Variants in BCKDHB observed in about 807,000 individuals in gnomAD.
BCKDHB encodes the protein 2-oxoisovalerate dehydrogenase subunit beta, mitochondrial.
A neutral mutation model predicts 48.5 loss-of-function variants in BCKDHB; 41 were observed. That is an observed-to-expected ratio of 0.85 (90% CI 0.66 to 1.10). The LOEUF (loss-of-function observed/expected upper bound fraction) is 1.10, where lower values mean the gene tolerates loss of function less well. BCKDHB is among the 50% of genes least tolerant of loss of function. The pLI is 0.00. For synonymous variants in BCKDHB, 201 were observed against 174.8 expected (o/e 1.15, Z -1.18); for missense variants, 496 against 494.2 (o/e 1.00, Z -0.03).
At chr6:80,320,175 T>C (rs1021072733) in intron 9 of BCKDHB, among the ~76,000 whole-genome samples, 6 of 152,202 alleles carry the variant, frequency 3.9e-5, no homozygotes, top group African/African-American at 1.4e-4. Context: ...TATCATATTG[T>C]GAATAGTAGC....
At chr6:80,178,169 T>G (rs1562112463) in intron 6 of BCKDHB, among the ~76,000 whole-genome samples, 1 of 152,224 alleles carries the variant, frequency 6.6e-6, no homozygotes, top group Non-Finnish European at 1.5e-5. Flanking sequence ...TGGTATTTTC[T>G]ACGTGGAGTC....
chr6:80,243,823 A>C (rs1682749471), intron 8 of BCKDHB, among the ~76,000 whole-genome samples: 1 of 152,348 alleles, frequency 6.6e-6, no homozygotes, highest in Admixed American at 6.5e-5. Flanking sequence ...GATATGAGCC[A>C]CTGTGCCTGG....
chr6:80,201,035 A>T lies in BCKDHB; in HGVS notation c.840+4A>T. ...TCTAGTTGCCTGGGGCACTCAGGTG[A>T]GTAGCATTGATCCCAACTGTTAAAA... On this transcript the variant is annotated splice_donor_region_variant and intron_variant, in intron 7 of 9. Transcript: ENST00000320393. The T allele has an allele frequency of 6.3e-7, 1 of 1,593,042 alleles. No individual in the cohort carries two copies. The highest frequency in any genetic ancestry group is 8.6e-7 in the Non-Finnish European group (1 of 1,161,056).
At chr6:80,337,380 A>G (rs182991570) in intron 9 of BCKDHB, among the ~76,000 whole-genome samples, 1 of 152,232 alleles carries the variant, frequency 6.6e-6, no homozygotes, top group Admixed American at 6.5e-5. Context: ...TAACTCTTAT[A>G]CTACTAATTA....
At chr6:80,352,418 GAGTCAGTCA>G in the BCKDHB span, among the ~76,000 whole-genome samples, 1 of 152,174 alleles carries the variant, frequency 6.6e-6, no homozygotes, top group Non-Finnish European at 1.5e-5. Flanking sequence ...TGCCTCTAGA[GAGTCAGTCA>G]ATCAACCCCC....
chr6:80,404,313 A>G, the BCKDHB span, among the ~76,000 whole-genome samples: 2 of 151,848 alleles, frequency 1.3e-5, no homozygotes, highest in South Asian at 2.1e-4. Flanking sequence ...AGGAACTTGG[A>G]TGTTTCTAAG....
At chr6:80,450,592 G>C in the BCKDHB span, among the ~76,000 whole-genome samples, 1 of 152,136 alleles carries the variant, frequency 6.6e-6, no homozygotes, top group Non-Finnish European at 1.5e-5. Context: ...CCCGTAATTT[G>C]GGTTAATCGG....
downstream of BCKDHB, among the ~76,000 whole-genome samples, chr6:80,348,509 G>A (rs72892037): frequency 0.038 from 5,795 of 152,308 alleles, 163 homozygotes; most frequent in Middle Eastern, 0.12. Flanking sequence ...TGCAGTGTTA[G>A]CCACAGAGAT....
chr6:80,178,694 G>A (rs1034254636), intron 6 of BCKDHB, among the ~76,000 whole-genome samples: 1 of 152,080 alleles, frequency 6.6e-6, no homozygotes, highest in Non-Finnish European at 1.5e-5. Context: ...TGTCATTATT[G>A]CCATTTTATA....
At chr6:80,437,220 GA>G in the BCKDHB span, among the ~76,000 whole-genome samples, 11 of 150,874 alleles carry the variant, frequency 7.3e-5, no homozygotes, top group East Asian at 3.9e-4. Context: ...GTTCAGTAAA[GA>G]AAAAAAAATT....
At chr6:80,168,187 G>A (rs1772672824) in intron 4 of BCKDHB, among the ~76,000 whole-genome samples, 1 of 152,020 alleles carries the variant, frequency 6.6e-6, no homozygotes, top group African/African-American at 2.4e-5. Context: ...TCTGGTGGCT[G>A]AGGCAGGAGG....
intron 6 of BCKDHB, among the ~76,000 whole-genome samples, chr6:80,191,548 C>A (rs903332543): frequency 6.6e-6 from 1 of 152,074 alleles, no homozygotes; most frequent in African/African-American, 2.4e-5. Flanking sequence ...TTCTAAGCTA[C>A]CCCTTCCCCC....
chr6:80,361,802 G>A, the BCKDHB span, among the ~76,000 whole-genome samples: 1 of 152,152 alleles, frequency 6.6e-6, no homozygotes, highest in African/African-American at 2.4e-5. Context: ...TTCCATCTTT[G>A]TGATCTCTAA....
chr6:80,445,554 C>A, the BCKDHB span, among the ~76,000 whole-genome samples: 1 of 152,080 alleles, frequency 6.6e-6, no homozygotes, highest in African/African-American at 2.4e-5. Flanking sequence ...ATATCTGTAT[C>A]TATTATTATT....
chr6:80,353,003 C>T, the BCKDHB span, among the ~76,000 whole-genome samples: 1 of 152,182 alleles, frequency 6.6e-6, no homozygotes, highest in Non-Finnish European at 1.5e-5. Context: ...GTCTCCATCA[C>T]CCAGATAACA....
chr6:80,227,482 T>C (rs1562154326), intron 8 of BCKDHB, among the ~76,000 whole-genome samples: 1 of 152,216 alleles, frequency 6.6e-6, no homozygotes, highest in African/African-American at 2.4e-5. Context: ...AAAAAACTAG[T>C]GGATGAATTA....
intron 8 of BCKDHB, among the ~76,000 whole-genome samples, chr6:80,244,171 CAG>C (rs1473375130): frequency 6.6e-6 from 1 of 152,092 alleles, no homozygotes; most frequent in African/African-American, 2.4e-5. Context: ...TGTTTGATGA[CAG>C]ATGAAAGTGA....
the BCKDHB span, among the ~76,000 whole-genome samples, chr6:80,410,926 C>T: frequency 2.6e-5 from 4 of 152,228 alleles, no homozygotes; most frequent in African/African-American, 9.6e-5. Flanking sequence ...TTATTACTGA[C>T]CTTCTGAAGC....
intron 9 of BCKDHB, among the ~76,000 whole-genome samples, chr6:80,302,105 ACT>A (rs1767615158): frequency 6.6e-6 from 1 of 152,058 alleles, no homozygotes; most frequent in South Asian, 2.1e-4. Flanking sequence ...AAGGATACCC[ACT>A]CTCACCAATC....
Sources: allele counts gnomAD v4.1 joint callset (sites outside exome capture counted in the v4.1 genomes callset), GRCh38; gene constraint gnomAD v4.1.1; transcripts MANE v1.5; gene names NCBI Gene and HGNC (gene_info 2026-07-23, HGNC 2026-07-21).